TRAF5: variants seen among roughly 807,000 people sequenced by gnomAD.
TRAF5 encodes TNF receptor associated factor 5.
TRAF5 carries 48 observed loss-of-function variants against 64.5 expected under a neutral mutation model. The ratio of observed to expected loss-of-function variants is 0.74; its 90% CI spans 0.59 to 0.95. TRAF5 has a LOEUF of 0.95. Ranked by LOEUF, TRAF5 falls within the 40% of genes least tolerant of loss-of-function variation. TRAF5 has a pLI of 0.00. For synonymous variants in TRAF5, 206 were observed against 240.5 expected (o/e 0.86, Z 1.33); for missense variants, 545 against 662.8 (o/e 0.82, Z 1.95).
At chr1:211,360,124 C>A in intron 5 of TRAF5, 48 bp downstream of exon 5, 2 of 1,560,288 alleles carry the variant, frequency 1.3e-6, no homozygotes, top group Non-Finnish European at 1.8e-6. Flanking sequence ...CTAAATTATG[C>A]CTGAGTGGTC....
intron 1 of TRAF5, among the ~76,000 whole-genome samples, chr1:211,333,559 G>T (rs1204296081): frequency 1.3e-5 from 2 of 151,990 alleles, no homozygotes; most frequent in Non-Finnish European, 2.9e-5. Flanking sequence ...GTGCAGTGGT[G>T]CAATCTCGGG....
chr1:211,354,450 G>T lies in TRAF5; in HGVS notation c.259G>T (p.Val87Phe). ...TVPICPVDKE[V>F]IKSQEVFKDN... is the part of the protein sequence containing the mutation. ...GCCAATCTGCCCTGTAGATAAAGAGGTCATCAAATCTCAGGAGGTAAGAAA... is the reference window on the plus strand; with the variant it reads ...GCCAATCTGCCCTGTAGATAAAGAGTTCATCAAATCTCAGGAGGTAAGAAA... The change falls in exon 3 of 11, where the codon GTC becomes TTC. Residue 87 changes from valine (V) to phenylalanine (F), a missense_variant. Transcript: ENST00000261464. The T allele has an allele frequency of 6.2e-7, 1 of 1,614,154 alleles. No individual in the cohort carries two copies. Among genetic ancestry groups the T allele is most frequent in the Non-Finnish European group, 8.5e-7 (1 of 1,180,018 alleles).
At chr1:211,350,358 G>A in intron 1 of TRAF5, among the ~76,000 whole-genome samples, 1 of 151,330 alleles carries the variant, frequency 6.6e-6, no homozygotes, top group East Asian at 1.9e-4. Context: ...CTTGTGCGAA[G>A]GCCCTGTGGC....
chr1:211,350,931 G>A (rs1402311722), intron 1 of TRAF5, among the ~76,000 whole-genome samples: 3 of 151,876 alleles, frequency 2.0e-5, no homozygotes, highest in East Asian at 1.9e-4. Flanking sequence ...GGCTAGACTC[G>A]AACTCCTAGG....
chr1:211,363,843 A>G (rs1703261817), intron 7 of TRAF5, among the ~76,000 whole-genome samples: 1 of 149,990 alleles, frequency 6.7e-6, no homozygotes, highest in Non-Finnish European at 1.5e-5. Context: ...CCAGGGAGGC[A>G]GAGATTGCAG....
At chr1:211,353,037 A>G (rs144828337) in intron 1 of TRAF5, among the ~76,000 whole-genome samples, 171 of 152,326 alleles carry the variant, frequency 1.1e-3, no homozygotes, top group African/African-American at 4.0e-3. Context: ...TCCAGCCTCT[A>G]ACCTGAGCAC....
rs753644496 is a variant in TRAF5 at position 211,372,343 on chromosome 1, G to A, written c.1315G>A (p.Gly439Ser). Residue 439 changes from glycine (G) to serine (S), a missense_variant, in exon 11 of 11, where the codon GGC (glycine) becomes AGC (serine). By Grantham distance (56) the Gly-to-Ser change is moderately conservative. Coordinates refer to ENST00000261464, the MANE Select transcript of TRAF5 (RefSeq NM_001033910.3). ...FSQSFYTSRC[G>S]YRLCARAYLN... ...CCAGTCCTTCTACACCAGCCGCTGTGGCTACCGGCTCTGTGCTAGAGCATA... is the reference window on the plus strand; with the variant it reads ...CCAGTCCTTCTACACCAGCCGCTGTAGCTACCGGCTCTGTGCTAGAGCATA... 1 of 1,614,144 alleles carries A rather than the reference G, an allele frequency of 6.2e-7. No homozygotes were observed. Among genetic ancestry groups the A allele is most frequent in the Non-Finnish European group, 8.5e-7 (1 of 1,180,024 alleles).
intron 1 of TRAF5, among the ~76,000 whole-genome samples, chr1:211,339,118 C>T (rs893775308): frequency 1.3e-5 from 2 of 152,226 alleles, no homozygotes; most frequent in African/African-American, 4.8e-5. Context: ...TCCCTGTGCC[C>T]ACGCACTAGC....
intron 8 of TRAF5, 195 bp from the exon 9 acceptor site, chr1:211,369,257 A>G: frequency 2.3e-6 from 1 of 439,656 alleles, no homozygotes; most frequent in South Asian, 5.2e-5. Flanking sequence ...AATTCTGTAG[A>G]TGTGGCTTTT....
At position 211,354,411 on chromosome 1, in the gene TRAF5, G is replaced by T. The variant is rs1051278632; in HGVS notation, c.220G>T (p.Glu74Ter). The T allele has an allele frequency of 1.9e-6, 3 of 1,613,996 alleles. No individual in the cohort carries two copies. The highest frequency in any genetic ancestry group is 3.3e-5 in the Admixed American group (2 of 59,996). Reference sequence around the variant, plus strand: ...CTCCATTTTAATTTTTTTCTCCAGAGAATTAAACACAGTGCCAATCTGCCC... The same window carrying T: ...CTCCATTTTAATTTTTTTCTCCAGATAATTAAACACAGTGCCAATCTGCCC... ...FCQHCILSLRELNTVPICPVD... is the reference protein window; with the variant it reads ...FCQHCILSLR Residue 74 changes from glutamate (E) to a stop codon, truncating the protein, a stop_gained and splice_region_variant, in exon 3 of 11, where the codon GAA (glutamate) becomes TAA (stop). Transcript: ENST00000261464. LOFTEE classifies it high-confidence loss of function.
At chr1:211,370,378 AACAC>A (rs67207558) in intron 9 of TRAF5, among the ~76,000 whole-genome samples, 51,225 of 147,726 alleles carry the variant, frequency 0.35, 9,810 homozygotes, top group East Asian at 0.82. Flanking sequence ...TTATACATTA[AACAC>A]ACACACACAC....
chr1:211,364,705 A>AAACAAACC (rs1703291961), intron 7 of TRAF5, among the ~76,000 whole-genome samples: 1 of 151,694 alleles, frequency 6.6e-6, no homozygotes, highest in African/African-American at 2.4e-5. Flanking sequence ...ACAAACAAAC[A>AAACAAACC]AACAAAACTG....
intron 7 of TRAF5, among the ~76,000 whole-genome samples, chr1:211,364,119 A>G (rs1396091775): frequency 6.6e-6 from 1 of 152,168 alleles, no homozygotes; most frequent in African/African-American, 2.4e-5. Flanking sequence ...ATTGATGATA[A>G]ATATTTAGTT....
chr1:211,372,770 C>A lies in TRAF5; in HGVS notation c.*68C>A. ...TGTGGAGGAGAGCACATTTGATTAT[C>A]ATATTGACCTGGATTTAGACTCAAA... On this transcript the variant is annotated 3_prime_UTR_variant, in exon 11 of 11. Coordinates refer to ENST00000261464, the MANE Select transcript of TRAF5 (RefSeq NM_001033910.3). The A allele has an allele frequency of 2.2e-6, 3 of 1,373,294 alleles. No homozygotes were observed. The highest frequency in any genetic ancestry group is 2.6e-5 in the South Asian group (2 of 76,474). 85.1% of individuals were successfully genotyped at this position (1,373,294 alleles called of 1,614,324 possible).
chr1:211,369,484 A>G lies in TRAF5; in HGVS notation c.822A>G (p.Lys274=), dbSNP rs140547533. 5 of 1,609,582 alleles carry G rather than the reference A, an allele frequency of 3.1e-6. No homozygotes were observed. In the African/African-American group the frequency reaches 6.7e-5, roughly 22 times the overall value. ...ACTTACACAAGAGCCTAGAACAGAA[A>G]GAAAGTAAAATCCAGCAGCTAGCAG... is the stretch of plus-strand genomic sequence containing the variant. ...ISDLHKSLEQ[K]ESKIQQLAET... is the part of the protein sequence containing the mutation. Residue 274 remains lysine, a synonymous_variant, in exon 9 of 11, where the codon AAA becomes AAG. Transcript: ENST00000261464.
At chr1:211,340,430 G>A (rs1025264175) in intron 1 of TRAF5, among the ~76,000 whole-genome samples, 1 of 152,162 alleles carries the variant, frequency 6.6e-6, no homozygotes, top group African/African-American at 2.4e-5. Context: ...GATTACAGGT[G>A]TGCACCACCA....
chr1:211,367,054 T>G (rs1703377624), intron 8 of TRAF5, among the ~76,000 whole-genome samples: 1 of 152,196 alleles, frequency 6.6e-6, no homozygotes, highest in South Asian at 2.1e-4. Flanking sequence ...CGATCTGGAC[T>G]GTCTGTAATC....
chr1:211,327,548 T>C (rs536064804), intron 1 of TRAF5, among the ~76,000 whole-genome samples: 1 of 152,080 alleles, frequency 6.6e-6, no homozygotes, highest in East Asian at 1.9e-4. Flanking sequence ...ACCCAGAGAA[T>C]TCGCAGATTC....
intron 7 of TRAF5, among the ~76,000 whole-genome samples, chr1:211,362,118 A>T (rs1703206476): frequency 6.6e-6 from 1 of 152,156 alleles, no homozygotes; most frequent in Non-Finnish European, 1.5e-5. Context: ...AAGTATACTG[A>T]AACAAAATGG....
Sources: gnomAD v4.1 joint callset for allele counts (sites outside exome capture counted in the v4.1 genomes callset) on GRCh38, gnomAD v4.1.1 for gene constraint, MANE v1.5 for transcripts, NCBI Gene and HGNC (gene_info 2026-07-23, HGNC 2026-07-21) for gene names.